NUP210: variants seen among roughly 807,000 people sequenced by gnomAD.
NUP210 encodes the protein nucleoporin 210, also known as nuclear pore membrane glycoprotein 210.
NUP210 carries 151 observed loss-of-function variants against 196.0 expected under a neutral mutation model. The observed-to-expected ratio is 0.77, with a 90% CI of 0.67 to 0.88. The LOEUF (loss-of-function observed/expected upper bound fraction) is 0.88, where lower values mean the gene tolerates loss of function less well. Ranked by LOEUF, NUP210 falls within the 40% of genes least tolerant of loss-of-function variation. The probability of loss-of-function intolerance (pLI) is 0.00; values close to 1 mark genes in which losing one functional copy is unlikely to be tolerated. For synonymous variants in NUP210, 1,070 were observed against 1,052.7 expected, an observed-to-expected ratio of 1.02 and a Z score of -0.32; for missense variants, 2,314 against 2,493.7, an observed-to-expected ratio of 0.93 and a Z score of 1.53.
In NUP210 at chr3:13,379,399, G is replaced by A. The variant is rs878932414; in HGVS notation, c.976+164C>T. On this transcript the variant is annotated intron_variant, in intron 7 of 39. Transcript: ENST00000254508. The surrounding 1 kb of genome is among the most constrained non-coding windows in gnomAD (Gnocchi z 4.2). ...TCTGGGGTGAGTCACCCACAGCCGT[G>A]AGCAATTCCACTCAGCAGTGCTATT... 2.0e-5 allele frequency among the ~76,000 whole-genome samples: 3 copies of A among 152,136 alleles called. No individual in the cohort carries two copies. The highest frequency in any genetic ancestry group is 6.5e-5 in the Admixed American group (1 of 15,268).
In NUP210 at chr3:13,328,902, C is replaced by T. The variant is rs745589645; in HGVS notation, c.4155G>A (p.Leu1385=). The change falls in exon 31 of 40, where the codon CTG becomes CTA. Residue 1385 remains leucine (L), a synonymous_variant. Coordinates refer to ENST00000254508, the MANE Select transcript of NUP210 (RefSeq NM_024923.4). ...SYLRVSMSPV[L]HTQNKEALVA... ...CCAGGGCCTCCTTGTTCTGGGTGTG[C>T]AGGACAGGGCTCATGGAAACCCTCA... 13 of 1,614,016 alleles carry T rather than the reference C, an allele frequency of 8.1e-6. No homozygotes were observed. The East Asian group carries it at 2.2e-4, about 28-fold the overall frequency.
In NUP210 at chr3:13,327,257, C is replaced by G. The variant is rs781404626; in HGVS notation, c.4467G>C (p.Gly1489=). 6.2e-7 allele frequency: 1 copy of G among 1,613,410 alleles called. No homozygotes were observed. Among genetic ancestry groups the G allele is most frequent in the East Asian group, 2.2e-5 (1 of 44,868 alleles). The change falls in exon 32 of 40, where the codon GGG becomes GGC. Residue 1489 remains glycine (G), a synonymous_variant. Transcript: ENST00000254508. ...SPELSGAMVV[G]DVLCLATVLT... ...GAACAGTGGCCAGACAGAGCACGTC[C>G]CCCACCACCATGGCCCCAGACAGCT... is the stretch of plus-strand genomic sequence containing the variant.
Position 13,340,186 on chromosome 3 carries a change from G to A in NUP210, c.3291+50C>T. On this transcript the variant is annotated intron_variant, in intron 24 of 39. Transcript: ENST00000254508. This position sits in a 1 kb window ranked among gnomAD's most constrained non-coding sequence, Gnocchi z 4.0. ...CCAGAGGCGGCGTGCCTGGAACCAG[G>A]TGGTGGCCTGCACTGGGGCTGGAGC... 6.2e-7 allele frequency: 1 copy of A among 1,610,956 alleles called. No individual in the cohort carries two copies. Among genetic ancestry groups the A allele is most frequent in the Non-Finnish European group, 8.5e-7 (1 of 1,178,076 alleles).
At chr3:13,338,219 G>A (rs957697914) in intron 25 of NUP210, among the ~76,000 whole-genome samples, 5 of 152,206 alleles carry the variant, frequency 3.3e-5, no homozygotes, top group African/African-American at 1.2e-4. Context: ...GGGGACTGGT[G>A]CCTGCTCTTC....
chr3:13,363,700 T>C (rs1311158347), intron 14 of NUP210, among the ~76,000 whole-genome samples: 2 of 152,174 alleles, frequency 1.3e-5, no homozygotes, highest in Non-Finnish European at 2.9e-5. Context: ...ATAAACCTGA[T>C]CTTACCTGCT....
At position 13,376,327 on chromosome 3, in the gene NUP210, C is replaced by T. The variant is rs775227997; in HGVS notation, c.1257G>A (p.Thr419=). 1.2e-5 allele frequency: 19 copies of T among 1,614,066 alleles called. No individual in the cohort carries two copies. The highest frequency in any genetic ancestry group is 8.0e-5 in the African/African-American group (6 of 74,940). The part of the protein sequence containing the change: ...HRIRALKRGQ[T]AIDAALTSVV... The stretch of plus-strand genomic sequence containing the variant: ...CAGAGGTGAGGGCCGCGTCAATGGC[C>T]GTCTGTCCCCTCTTTAGTGCCCTGA... The change falls in exon 10 of 40, where the codon ACG becomes ACA. Residue 419 remains threonine, a synonymous_variant. Transcript: ENST00000254508.
intron 23 of NUP210, 91 bp downstream of exon 23, chr3:13,341,657 T>C: frequency 7.0e-7 from 1 of 1,422,700 alleles, no homozygotes; most frequent in Non-Finnish European, 9.6e-7. Context: ...ATATGGCTTC[T>C]CTACAGTAGC....
chr3:13,348,633 T>A lies in NUP210; in HGVS notation c.2835+3246A>T. On this transcript the variant is annotated intron_variant, in intron 20 of 39. Coordinates refer to ENST00000254508, the MANE Select transcript of NUP210 (RefSeq NM_024923.4). The surrounding 1 kb of genome is among the most constrained non-coding windows in gnomAD (Gnocchi z 4.0). ...AATTGTTCTTTCTTCTATGAGGGGA[T>A]AAGAATGCTTAGGAGACGCTGCTTG... 2.0e-6 allele frequency: 2 copies of A among 985,406 alleles called. No individual in the cohort carries two copies. The highest frequency in any genetic ancestry group is 2.4e-6 in the Non-Finnish European group (2 of 829,932). 61.0% of individuals were successfully genotyped at this position (985,406 alleles called of 1,614,324 possible). A position where few individuals can be genotyped will look rare whatever the true frequency, so the allele number is the denominator to read the frequency against.
At chr3:13,372,503 G>A (rs1224183907) in intron 12 of NUP210, among the ~76,000 whole-genome samples, 1 of 152,184 alleles carries the variant, frequency 6.6e-6, no homozygotes, top group Non-Finnish European at 1.5e-5. Flanking sequence ...TGAGCAGTGT[G>A]GTGAGGAGGC....
At chr3:13,327,562 G>T in intron 31 of NUP210, 125 bp from the exon 32 acceptor site, 1 of 725,448 alleles carries the variant, frequency 1.4e-6, no homozygotes, top group Non-Finnish European at 2.3e-6. Context: ...CCCAGGTGTG[G>T]CCCCAACTCG....
chr3:13,330,506 G>A lies in NUP210; in HGVS notation c.4064C>T (p.Ala1355Val). The A allele has an allele frequency of 6.2e-7, 1 of 1,614,208 alleles. No individual in the cohort carries two copies. Among genetic ancestry groups the A allele is most frequent in the Non-Finnish European group, 8.5e-7 (1 of 1,180,034 alleles). Residue 1355 changes from alanine (A) to valine (V), a missense_variant, in exon 30 of 40, where the codon GCA becomes GTA. By Grantham distance (64) the Ala-to-Val change is moderately conservative. Transcript: ENST00000254508. ...MIGTSTIEVI[A>V]QEPFGANQTI... ...TTGGTTGGCCCCAAAGGGCTCTTGT[G>A]CAATCACTTCGATGGTGGATGTCCC... is the stretch of plus-strand genomic sequence containing the variant.
At chr3:13,400,529 C>T (rs528439935) in intron 1 of NUP210, among the ~76,000 whole-genome samples, 27 of 152,330 alleles carry the variant, frequency 1.8e-4, no homozygotes, top group African/African-American at 5.3e-4. Flanking sequence ...AAGCTATCTG[C>T]TGTCAGCGCC....
At chr3:13,357,907 GACA>G (rs1460987827) in intron 16 of NUP210, among the ~76,000 whole-genome samples, 13 of 152,170 alleles carry the variant, frequency 8.5e-5, no homozygotes, top group African/African-American at 4.8e-5. Context: ...AGGCACAGAA[GACA>G]ACAAGTTGTT....
intron 18 of NUP210, 89 bp from the exon 19 acceptor site, chr3:13,352,273 G>T: frequency 2.1e-6 from 2 of 944,598 alleles, no homozygotes; most frequent in Non-Finnish European, 1.6e-6. Context: ...CTAGGGCCTG[G>T]CCTTGCTCCT....
At chr3:13,413,215 C>A (rs1316130791) in intron 1 of NUP210, among the ~76,000 whole-genome samples, 1 of 151,996 alleles carries the variant, frequency 6.6e-6, no homozygotes, top group Non-Finnish European at 1.5e-5. Flanking sequence ...CACCTGTAAT[C>A]CCAGCACTTT....
In NUP210 at chr3:13,416,844, G is replaced by T. The variant is rs116300321; in HGVS notation, c.167+3216C>A. On this transcript the variant is annotated intron_variant, in intron 1 of 39. Transcript: ENST00000254508. ...CCAGGTTCAAGGCAATGTAAGAAAG[G>T]AGCTAGGAGAGGAAACATAAGTGAC... Among the ~76,000 whole-genome samples the T allele has an allele frequency of 7.9e-3, 1,200 of 152,342 alleles. 17 individuals carry two copies. The highest frequency in any genetic ancestry group is 0.028 in the African/African-American group (1,147 of 41,578).
chr3:13,398,242 C>A (rs1699728604), intron 2 of NUP210, among the ~76,000 whole-genome samples: 3 of 152,182 alleles, frequency 2.0e-5, no homozygotes, highest in Admixed American at 2.0e-4. Flanking sequence ...GAGTTCAAGA[C>A]CAGCCTGGCC....
chr3:13,413,192 G>A (rs1406340214), intron 1 of NUP210, among the ~76,000 whole-genome samples: 1 of 152,014 alleles, frequency 6.6e-6, no homozygotes, highest in Non-Finnish European at 1.5e-5. Flanking sequence ...TTGAGGCCGG[G>A]CGCGGTGGCT....
chr3:13,362,019 C>A (rs1006317448), intron 14 of NUP210, among the ~76,000 whole-genome samples: 10 of 152,182 alleles, frequency 6.6e-5, no homozygotes, highest in Admixed American at 2.6e-4. Context: ...GCAGCCCAGG[C>A]GACTCTTCTC....
Sources: allele counts gnomAD v4.1 joint callset (sites outside exome capture counted in the v4.1 genomes callset), GRCh38; gene constraint gnomAD v4.1.1; non-coding constraint Gnocchi (gnomAD v3.1); transcripts MANE v1.5; gene names NCBI Gene and HGNC (gene_info 2026-07-23, HGNC 2026-07-21).